ADGRL4: variants seen among roughly 807,000 people sequenced by gnomAD.
The protein encoded by ADGRL4 is EGF, latrophilin and seven transmembrane domain containing 1.
Under a neutral mutation model 74.8 loss-of-function variants are expected in ADGRL4, and 90 were observed. The ratio of observed to expected loss-of-function variants is 1.20; its 90% confidence interval spans 1.02 to 1.43. The LOEUF is 1.43. ADGRL4 is among the 40% of genes most tolerant of loss of function. ADGRL4 has a pLI of 0.00. For missense variants in ADGRL4, 881 were observed against 814.3 expected, an observed-to-expected ratio of 1.08 and a Z score of -1.00; for synonymous variants, 311 against 279.2, an observed-to-expected ratio of 1.11 and a Z score of -1.14.
chr1:78,972,974 T>A (rs955397145), intron 2 of ADGRL4, among the ~76,000 whole-genome samples: 2 of 152,172 alleles, frequency 1.3e-5, no homozygotes, highest in Non-Finnish European at 2.9e-5. Context: ...CTGATTTCGG[T>A]TGCAAAGCAC....
intron 2 of ADGRL4, among the ~76,000 whole-genome samples, chr1:78,989,973 G>A (rs967951720): frequency 1.3e-5 from 2 of 151,776 alleles, no homozygotes; most frequent in Admixed American, 6.6e-5. Flanking sequence ...TTCCTCCAAG[G>A]CCCTGACTCT....
intron 12 of ADGRL4, among the ~76,000 whole-genome samples, chr1:78,902,325 C>T (rs1226979187): frequency 6.6e-6 from 1 of 152,142 alleles, no homozygotes; most frequent in African/African-American, 2.4e-5. Context: ...TGTTCCAAGT[C>T]TATTTATTAA....
At chr1:78,896,856 G>A (rs376229159) in intron 12 of ADGRL4, among the ~76,000 whole-genome samples, 3 of 152,178 alleles carry the variant, frequency 2.0e-5, no homozygotes, top group Admixed American at 6.5e-5. Flanking sequence ...TCCCCCAAGC[G>A]TTACTTCTCT....
At chr1:78,980,855 A>G (rs1177168794) in intron 2 of ADGRL4, among the ~76,000 whole-genome samples, 1 of 151,878 alleles carries the variant, frequency 6.6e-6, no homozygotes, top group Non-Finnish European at 1.5e-5. Context: ...CACACCTTTC[A>G]TCCTGAAAAT....
At position 78,937,986 on chromosome 1, in the gene ADGRL4, A is replaced by G. The variant is rs761016494; in HGVS notation, c.581T>C (p.Phe194Ser). 1 of 1,609,444 alleles carries G rather than the reference A, an allele frequency of 6.2e-7. No homozygotes were observed. The highest frequency in any genetic ancestry group is 2.2e-5 in the East Asian group (1 of 44,774). The change falls in exon 6 of 15, where the codon TTT (phenylalanine) becomes TCT (serine). Residue 194 changes from phenylalanine (F) to serine (S), a missense_variant. Phe to Ser is a radical substitution (Grantham distance 155). Transcript: ENST00000370742. Reference sequence around the variant, plus strand: ...AACAAAATTATTCACGGTTTTTACAAATTCCTATTGAAAAAAAGTATGTCT... The same window carrying G: ...AACAAAATTATTCACGGTTTTTACAGATTCCTATTGAAAAAAAGTATGTCT... ...DTLSNSTLTE[F>S]VKTVNNFVQR...
chr1:78,988,205 T>G (rs1650535580), intron 2 of ADGRL4, among the ~76,000 whole-genome samples: 1 of 151,834 alleles, frequency 6.6e-6, no homozygotes, highest in Non-Finnish European at 1.5e-5. Flanking sequence ...TTAGAAAACT[T>G]AAGTTGATGA....
intron 2 of ADGRL4, among the ~76,000 whole-genome samples, chr1:78,961,938 T>C (rs1251028436): frequency 1.3e-5 from 2 of 151,522 alleles, no homozygotes; most frequent in African/African-American, 2.4e-5. Context: ...TGGAGTGCAA[T>C]GGCAAGATCT....
intron 6 of ADGRL4, 52 bp downstream of exon 6, chr1:78,937,755 A>G (rs1649384580): frequency 6.5e-7 from 1 of 1,550,226 alleles, no homozygotes; most frequent in Non-Finnish European, 8.7e-7. Flanking sequence ...AAACTTTGAA[A>G]ATGGCTTATT....
At chr1:78,936,251 G>A (rs750293711) in intron 7 of ADGRL4, 44 bp downstream of exon 7, 5 of 1,551,108 alleles carry the variant, frequency 3.2e-6, no homozygotes, top group African/African-American at 2.8e-5. Context: ...AATATTTATT[G>A]CAAATTCATT....
rs984970561 is a variant in ADGRL4, at chr1:78,938,150, T to C, written c.526A>G (p.Lys176Glu). ...LAESSSLLGY[K>E]NNTISAKDTL... ...TCCTTGGCTGAGATAGTGTTGTTCT[T>C]GTAACCTAGTAATGAAGATGATTCA... Residue 176 changes from lysine (K) to glutamate (E), a missense_variant, in exon 5 of 15, where the codon AAG becomes GAG. Physicochemically the swap from Lys to Glu is moderately conservative, Grantham distance 56. Transcript: ENST00000370742. 3.1e-6 allele frequency: 5 copies of C among 1,613,044 alleles called. No individual in the cohort carries two copies. The highest frequency in any genetic ancestry group is 2.7e-5 in the African/African-American group (2 of 74,900).
chr1:78,891,806 C>T (rs1570204271), intron 13 of ADGRL4, 114 bp from the exon 14 acceptor site: 4 of 829,034 alleles, frequency 4.8e-6, no homozygotes, highest in Non-Finnish European at 7.2e-6. Flanking sequence ...AAACCTTTTA[C>T]AAATAGACCC....
At chr1:78,903,281 A>G (rs1240574296) in intron 12 of ADGRL4, among the ~76,000 whole-genome samples, 1 of 152,164 alleles carries the variant, frequency 6.6e-6, no homozygotes, top group Non-Finnish European at 1.5e-5. Context: ...TCCTAATGAA[A>G]TGGACAAATA....
At chr1:78,905,331 A>C (rs944879879) in intron 12 of ADGRL4, among the ~76,000 whole-genome samples, 2 of 152,086 alleles carry the variant, frequency 1.3e-5, no homozygotes, top group Non-Finnish European at 2.9e-5. Flanking sequence ...ACTATATTGC[A>C]AAGGGTGACC....
chr1:78,970,007 C>T (rs143869306), intron 2 of ADGRL4, among the ~76,000 whole-genome samples: 3 of 152,074 alleles, frequency 2.0e-5, no homozygotes, highest in African/African-American at 4.8e-5. Context: ...GAAAGTAAAA[C>T]CAAGGGAGCT....
intron 2 of ADGRL4, among the ~76,000 whole-genome samples, chr1:78,950,478 G>A (rs1356610989): frequency 6.6e-6 from 1 of 152,078 alleles, no homozygotes; most frequent in Non-Finnish European, 1.5e-5. Context: ...TCGGATTTGA[G>A]TTTCAAAACA....
Position 78,927,057 on chromosome 1 carries a change from ACTCT to A in ADGRL4, c.908_911del (p.Lys303IlefsTer14). ...CAGATGATGAAAGCAAAGGACCAAT[ACTCT>A]TATAATATACAAATGCAACTGCAAC... On this transcript the variant is annotated frameshift_variant, in exon 8 of 15. Transcript: ENST00000370742. LOFTEE classifies it high-confidence loss of function. 1 of 1,605,686 alleles carries A rather than the reference ACTCT, an allele frequency of 6.2e-7. No homozygotes were observed. The highest frequency in any genetic ancestry group is 8.5e-7 in the Non-Finnish European group (1 of 1,173,940).
intron 2 of ADGRL4, among the ~76,000 whole-genome samples, chr1:78,965,227 A>G (rs953297908): frequency 1.3e-5 from 2 of 152,162 alleles, no homozygotes; most frequent in Non-Finnish European, 2.9e-5. Flanking sequence ...GCAATCATAT[A>G]AATGTGACCC....
chr1:79,004,326 G>A (rs763825589), intron 2 of ADGRL4, among the ~76,000 whole-genome samples: 1 of 151,902 alleles, frequency 6.6e-6, no homozygotes, highest in Non-Finnish European at 1.5e-5. Context: ...GTTAAAACTA[G>A]ATTTTACTGA....
chr1:78,916,999 G>C (rs375819935), intron 12 of ADGRL4, among the ~76,000 whole-genome samples: 1 of 151,776 alleles, frequency 6.6e-6, no homozygotes, highest in Non-Finnish European at 1.5e-5. Flanking sequence ...CTTCCAATAA[G>C]AATTAAAAGG....
Sources: allele counts gnomAD v4.1 joint callset (sites outside exome capture counted in the v4.1 genomes callset), GRCh38; gene constraint gnomAD v4.1.1; transcripts MANE v1.5; gene names NCBI Gene and HGNC (gene_info 2026-07-23, HGNC 2026-07-21).